Variants in PMM2 observed in about 807,000 individuals in gnomAD.
PMM2 encodes the protein phosphomannomutase 2.
A neutral mutation model predicts 33.2 loss-of-function variants in PMM2; 35 were observed. The ratio of observed to expected loss-of-function variants is 1.06; its 90% CI spans 0.81 to 1.40. PMM2 has a LOEUF of 1.40. Among genes scored for constraint, PMM2 ranks in the 40% most tolerant of loss-of-function variants. The probability of loss-of-function intolerance (pLI) is 0.00; values close to 1 mark genes in which losing one functional copy is unlikely to be tolerated. For synonymous variants in PMM2, 153 were observed against 114.7 expected (o/e 1.33, Z -2.13); for missense variants, 386 against 306.0 (o/e 1.26, Z -1.95).
chr16:8,835,832 C>A (rs1417664658), intron 7 of PMM2, among the ~76,000 whole-genome samples: 1 of 151,560 alleles, frequency 6.6e-6, no homozygotes, highest in Non-Finnish European at 1.5e-5. Flanking sequence ...TGATTGGTTG[C>A]CAAGGAGGGA....
At chr16:8,808,749 T>C (rs1159578953) in intron 4 of PMM2, 1 of 152,242 alleles carries the variant, frequency 6.6e-6, no homozygotes, top group African/African-American at 2.4e-5. Context: ...TTCTGATCAT[T>C]AGGACCTTTA....
intron 7 of PMM2, among the ~76,000 whole-genome samples, chr16:8,826,710 T>G (rs2060770278): frequency 6.6e-6 from 1 of 152,230 alleles, no homozygotes; most frequent in Non-Finnish European, 1.5e-5. Flanking sequence ...TAATTACAGC[T>G]CTTAAACATC....
rs186061775 is a variant in PMM2 at position 8,811,071 on chromosome 16, A to G, written c.348-8A>G. 2 of 1,523,066 alleles carry G rather than the reference A, an allele frequency of 1.3e-6. No individual in the cohort carries two copies. Among genetic ancestry groups the G allele is most frequent in the Admixed American group, 1.9e-5 (1 of 52,726 alleles). 94.3% of individuals were successfully genotyped at this position (1,523,066 alleles called of 1,614,324 possible). A position where few individuals can be genotyped will look rare whatever the true frequency, so the allele number is the denominator to read the frequency against. On this transcript the variant is annotated splice_region_variant and splice_polypyrimidine_tract_variant and intron_variant, in intron 4 of 7. Coordinates refer to ENST00000268261, the MANE Select transcript of PMM2 (RefSeq NM_000303.3). Reference sequence around the variant, plus strand: ...TTTGGAGAAACTCTGTCACCCTTTCATTCCCAGGGGTACTTTCATTGAATT... The same window carrying G: ...TTTGGAGAAACTCTGTCACCCTTTCGTTCCCAGGGGTACTTTCATTGAATT...
At chr16:8,802,987 A>G (rs1009835587) in intron 2 of PMM2, among the ~76,000 whole-genome samples, 1 of 152,170 alleles carries the variant, frequency 6.6e-6, no homozygotes, top group African/African-American at 2.4e-5. Flanking sequence ...GTTCTCCATT[A>G]TGAAGGCTGT....
chr16:8,803,059 T>TAC (rs1316063553), intron 2 of PMM2, among the ~76,000 whole-genome samples: 2 of 152,092 alleles, frequency 1.3e-5, no homozygotes, highest in Non-Finnish European at 2.9e-5. Context: ...GCCCACAGCA[T>TAC]ACACACACGC....
intron 7 of PMM2, among the ~76,000 whole-genome samples, chr16:8,835,754 C>G (rs1015700314): frequency 2.6e-5 from 4 of 151,878 alleles, no homozygotes; most frequent in Non-Finnish European, 4.4e-5. Context: ...CCTTTTAAAG[C>G]GTGCCATGGG....
intron 7 of PMM2, among the ~76,000 whole-genome samples, chr16:8,824,703 T>TA (rs2060756827): frequency 6.6e-6 from 1 of 152,072 alleles, no homozygotes; most frequent in African/African-American, 2.4e-5. Context: ...GTTTGTTAAA[T>TA]ATCAAAGGTT....
intron 7 of PMM2, among the ~76,000 whole-genome samples, chr16:8,814,781 C>A (rs1173483640): frequency 6.6e-6 from 1 of 152,118 alleles, no homozygotes; most frequent in Non-Finnish European, 1.5e-5. Flanking sequence ...AATCATTGTG[C>A]CTCTTTGGTT....
At chr16:8,836,974 C>G (rs1304934637) in intron 7 of PMM2, among the ~76,000 whole-genome samples, 1 of 151,814 alleles carries the variant, frequency 6.6e-6, no homozygotes, top group Non-Finnish European at 1.5e-5. Flanking sequence ...GTAAGCTGGT[C>G]CAGGTGTGAG....
At chr16:8,839,846 T>A (rs2060877391) in intron 7 of PMM2, among the ~76,000 whole-genome samples, 1 of 147,070 alleles carries the variant, frequency 6.8e-6, no homozygotes, top group South Asian at 2.3e-4. Context: ...TAGTAGTTTG[T>A]GTTGTGAGAG....
chr16:8,836,347 G>C (rs1340606232), intron 7 of PMM2, among the ~76,000 whole-genome samples: 2 of 152,088 alleles, frequency 1.3e-5, no homozygotes, highest in Non-Finnish European at 2.9e-5. Context: ...CAGGGGCTCT[G>C]GGGAGTGGCT....
chr16:8,805,144 G>T (rs1368266408), intron 3 of PMM2, among the ~76,000 whole-genome samples: 1 of 152,096 alleles, frequency 6.6e-6, no homozygotes, highest in Non-Finnish European at 1.5e-5. Context: ...TACAACCTCC[G>T]CCTACCTCCG....
At chr16:8,833,366 C>G (rs886332772) in intron 7 of PMM2, among the ~76,000 whole-genome samples, 2 of 152,166 alleles carry the variant, frequency 1.3e-5, no homozygotes, top group African/African-American at 4.8e-5. Context: ...TCAGTTAAGG[C>G]TATTTTTACT....
intron 7 of PMM2, among the ~76,000 whole-genome samples, chr16:8,831,132 C>T (rs921966622): frequency 3.3e-5 from 5 of 151,808 alleles, no homozygotes; most frequent in Admixed American, 6.5e-5. Flanking sequence ...AGTGAGACTC[C>T]GTCTCCAAAA....
intron 7 of PMM2, among the ~76,000 whole-genome samples, chr16:8,833,621 A>G (rs2060825066): frequency 6.6e-6 from 1 of 151,348 alleles, no homozygotes; most frequent in Non-Finnish European, 1.5e-5. Flanking sequence ...CTAGAGTGGG[A>G]GAGATTAAGC....
intron 7 of PMM2, among the ~76,000 whole-genome samples, chr16:8,813,611 G>T (rs1184270809): frequency 1.3e-5 from 2 of 152,116 alleles, no homozygotes; most frequent in Admixed American, 6.5e-5. Flanking sequence ...CACGGCGGGT[G>T]CTTGGAGCTG....
At chr16:8,826,674 T>C (rs1332388161) in intron 7 of PMM2, among the ~76,000 whole-genome samples, 2 of 152,204 alleles carry the variant, frequency 1.3e-5, no homozygotes, top group African/African-American at 2.4e-5. Flanking sequence ...TGAAAAAATA[T>C]TTAAGTGCTT....
chr16:8,848,099 T>C lies in PMM2; in HGVS notation c.*274T>C, dbSNP rs910790397. 6.6e-6 allele frequency: 3 copies of C among 455,284 alleles called. No homozygotes were observed. The highest frequency in any genetic ancestry group is 1.2e-5 in the Non-Finnish European group (3 of 246,438). 28.2% of individuals were successfully genotyped at this position (455,284 alleles called of 1,614,324 possible). On this transcript the variant is annotated 3_prime_UTR_variant, in exon 8 of 8. Coordinates refer to ENST00000268261, the MANE Select transcript of PMM2 (RefSeq NM_000303.3). ...CCCCCTAGTCTAATACCCACCCTGA[T>C]ACGTGCAATCATGTAGTTTTGGCGG...
rs2060939567 is a variant in PMM2 at position 8,847,987 on chromosome 16, G to C, written c.*162G>C. ...GTCTGGACTTCCACCTCCAGTGCCA[G>C]AAACTTCCAGAAGGAAGGAGAAAAC... is the stretch of plus-strand genomic sequence containing the variant. On this transcript the variant is annotated 3_prime_UTR_variant, in exon 8 of 8. Transcript: ENST00000268261. The C allele has an allele frequency of 4.8e-6, 3 of 624,122 alleles. No homozygotes were observed. The highest frequency in any genetic ancestry group is 1.8e-5 in the African/African-American group (1 of 55,126). The allele number at this position is 624,122 out of a possible 1,614,324, so 38.7% of individuals were successfully genotyped here.
Sources: gnomAD v4.1 joint callset for allele counts (sites outside exome capture counted in the v4.1 genomes callset) on GRCh38, gnomAD v4.1.1 for gene constraint, MANE v1.5 for transcripts, NCBI Gene and HGNC (gene_info 2026-07-23, HGNC 2026-07-21) for gene names.